FREM3: variants seen among roughly 807,000 people sequenced by gnomAD.
The protein encoded by FREM3 is FRAS1-related extracellular matrix protein 3.
Under a neutral mutation model 129.1 loss-of-function variants are expected in FREM3, and 105 were observed. The ratio of observed to expected loss-of-function variants is 0.81; its 90% CI spans 0.69 to 0.96. The LOEUF is 0.96. Among genes scored for constraint, FREM3 ranks in the 40% least tolerant of loss-of-function variants. The pLI, the probability that FREM3 is intolerant of heterozygous loss-of-function variation, is 0.00. For synonymous variants in FREM3, 1,014 were observed against 1,044.9 expected (o/e 0.97, Z 0.57); for missense variants, 2,593 against 2,666.3 (o/e 0.97, Z 0.61).
intron 6 of FREM3, among the ~76,000 whole-genome samples, chr4:143,593,963 A>C (rs1738416687): frequency 6.6e-6 from 1 of 152,006 alleles, no homozygotes. Flanking sequence ...GCCACCTTGC[A>C]GTTTGATGTC....
At position 143,656,017 on chromosome 4, in the gene FREM3, G is replaced by C. The variant is rs149348031; in HGVS notation, c.5276-28257C>G. Among the ~76,000 whole-genome samples the C allele has an allele frequency of 2.6e-3, 396 of 152,264 alleles. 3 individuals carry two copies. Among genetic ancestry groups the C allele is most frequent in the African/African-American group, 9.1e-3 (376 of 41,538 alleles). On this transcript the variant is annotated intron_variant, in intron 2 of 7. Transcript: ENST00000329798. ...ACCTACAATAAGTGTTATTGAAGTT[G>C]TGAAGTCTCTTAAGAAAACAGATCT...
intron 2 of FREM3, among the ~76,000 whole-genome samples, chr4:143,680,768 G>A (rs996926979): frequency 6.6e-6 from 1 of 152,064 alleles, no homozygotes; most frequent in Non-Finnish European, 1.5e-5. Flanking sequence ...ATTATCATAT[G>A]TATTCTAAAG....
At chr4:143,625,380 C>T (rs34164313) in intron 3 of FREM3, among the ~76,000 whole-genome samples, 52,456 of 152,052 alleles carry the variant, frequency 0.34, 10,546 homozygotes, top group Middle Eastern at 0.47. Flanking sequence ...TTAATAGCCC[C>T]CCCATGCAAT....
intron 2 of FREM3, among the ~76,000 whole-genome samples, chr4:143,652,773 T>C (rs1344376911): frequency 1.3e-5 from 2 of 152,150 alleles, no homozygotes; most frequent in Non-Finnish European, 2.9e-5. Flanking sequence ...GGATTACAGT[T>C]GCATGCCTCC....
At chr4:143,633,530 C>A (rs1292557424) in intron 2 of FREM3, among the ~76,000 whole-genome samples, 2 of 152,094 alleles carry the variant, frequency 1.3e-5, no homozygotes, top group Non-Finnish European at 2.9e-5. Flanking sequence ...CAGCAATGAA[C>A]TTGTTTTTGT....
chr4:143,611,404 AT>A lies in FREM3; in HGVS notation c.5902del (p.Ile1968SerfsTer34), dbSNP rs1560844016. 2.0e-6 allele frequency: 3 copies of A among 1,537,084 alleles called. No individual in the cohort carries two copies. Among genetic ancestry groups the A allele is most frequent in the Admixed American group, 3.9e-5 (2 of 50,974 alleles). ...NETQKTCQVL[I>X]IDDSLYEEEE... ...CTCTTCATAAAGGGAGTCATCAATGATCAGGACCTGGCAGGTCTTCTGTGTC... is the reference window on the plus strand; with the variant it reads ...CTCTTCATAAAGGGAGTCATCAATGACAGGACCTGGCAGGTCTTCTGTGTC... On this transcript the variant is annotated frameshift_variant, in exon 6 of 8. Coordinates refer to ENST00000329798, the MANE Select transcript of FREM3 (RefSeq NM_001168235.2). LOFTEE classifies it high-confidence loss of function.
chr4:143,624,029 C>A lies in FREM3; in HGVS notation c.5653+79G>T. 26 of 782,960 alleles carry A rather than the reference C, an allele frequency of 3.3e-5. No individual in the cohort carries two copies. The South Asian group carries it at 3.8e-4, about 11-fold the overall frequency. 48.5% of individuals were successfully genotyped at this position (782,960 alleles called of 1,614,324 possible). ...TGAACGCATTTAGTGGCTTACAGAG[C>A]CTGAGGGAAGTATGAATGCTGGAAA... On this transcript the variant is annotated intron_variant, in intron 4 of 7. Transcript: ENST00000329798.
intron 6 of FREM3, among the ~76,000 whole-genome samples, chr4:143,596,629 A>G (rs1400646630): frequency 1.3e-5 from 2 of 152,150 alleles, no homozygotes; most frequent in Non-Finnish European, 2.9e-5. Flanking sequence ...AAACCCTTTC[A>G]TGCATGAATC....
At chr4:143,645,106 G>A (rs1389374948) in intron 2 of FREM3, 2 of 152,166 alleles carry the variant, frequency 1.3e-5, no homozygotes, top group Non-Finnish European at 2.9e-5. Flanking sequence ...GAGTCCAGCA[G>A]GACTGTGGCC....
intron 2 of FREM3, among the ~76,000 whole-genome samples, chr4:143,659,713 T>A (rs1281284491): frequency 2.0e-5 from 3 of 150,564 alleles, no homozygotes; most frequent in African/African-American, 7.4e-5. Context: ...GTAAAAGTGT[T>A]CCTATTTCTC....
chr4:143,666,010 C>G (rs1290620630), intron 2 of FREM3, among the ~76,000 whole-genome samples: 2 of 152,120 alleles, frequency 1.3e-5, no homozygotes, highest in African/African-American at 4.8e-5. Context: ...TCTGTACTAA[C>G]CTTCTAAGAT....
In FREM3 at chr4:143,700,652, C is replaced by A. The variant is rs1740684598; in HGVS notation, c.24G>T (p.Pro8=). The part of the protein sequence containing the change: MAGASRH[P]TGTPRQLLVA... ...CAAGGAGCTGCCGGGGCGTCCCAGT[C>A]GGGTGCCGAGAAGCCCCCGCCATGG... is the stretch of plus-strand genomic sequence containing the variant. Residue 8 remains proline (P), a synonymous_variant, in exon 1 of 8, where the codon CCG becomes CCT. Transcript: ENST00000329798. The A allele has an allele frequency of 2.1e-6, 3 of 1,430,898 alleles. No homozygotes were observed. Among genetic ancestry groups the A allele is most frequent in the Non-Finnish European group, 2.7e-6 (3 of 1,097,498 alleles). 88.6% of individuals were successfully genotyped at this position (1,430,898 alleles called of 1,614,324 possible). A position where few individuals can be genotyped will look rare whatever the true frequency, so the allele number is the denominator to read the frequency against.
Position 143,610,132 on chromosome 4 carries a change from C to T in FREM3, c.6028+1147G>A, listed in dbSNP as rs78341722. 5.2e-3 allele frequency among the ~76,000 whole-genome samples: 787 copies of T among 152,184 alleles called. 9 individuals are homozygous for T. Among genetic ancestry groups the T allele is most frequent in the African/African-American group, 0.018 (748 of 41,542 alleles). On this transcript the variant is annotated intron_variant, in intron 6 of 7. Coordinates refer to ENST00000329798, the MANE Select transcript of FREM3 (RefSeq NM_001168235.2). ...CTGTCCTTATTCTTAGCTCTTGATA[C>T]TTGTAAAGATGTGTTTTGGAATTAG...
At chr4:143,658,765 G>A (rs1037657550) in intron 2 of FREM3, among the ~76,000 whole-genome samples, 2 of 152,194 alleles carry the variant, frequency 1.3e-5, no homozygotes, top group Non-Finnish European at 2.9e-5. Context: ...TGTGGCCCAA[G>A]ACAATTCTTC....
intron 2 of FREM3, among the ~76,000 whole-genome samples, chr4:143,648,327 TA>T (rs1271383047): frequency 6.6e-6 from 1 of 152,234 alleles, no homozygotes; most frequent in African/African-American, 2.4e-5. Context: ...ACTTTTGGGT[TA>T]ATTCTGGAAT....
chr4:143,651,691 C>T (rs1012572572), intron 2 of FREM3, among the ~76,000 whole-genome samples: 8 of 152,168 alleles, frequency 5.3e-5, no homozygotes, highest in African/African-American at 1.9e-4. Flanking sequence ...TCGGCCAACA[C>T]ACTCCCATAT....
Position 143,624,318 on chromosome 4 carries a change from T to A in FREM3, c.5443A>T (p.Thr1815Ser). The change falls in exon 4 of 8, where the codon ACT (threonine) becomes TCT (serine). Residue 1815 changes from threonine to serine, a missense_variant. Thr to Ser is a moderately conservative substitution (Grantham distance 58). Around this residue, in one of 2 missense-constraint regions of FREM3, gnomAD observed 2,276 missense variants for 2,267.2 expected, o/e 1.00. Transcript: ENST00000329798. ...TTGAAATCTTTGTCTTTTTTTGCAG[T>A]TTCATCTTTGGTACCAATGCCTGAA... Reference protein sequence around the residue: ...SFISIGTKDETAKKDKDFKWK... With the variant: ...SFISIGTKDESAKKDKDFKWK... 1 of 1,536,420 alleles carries A rather than the reference T, an allele frequency of 6.5e-7. No homozygotes were observed. Among genetic ancestry groups the A allele is most frequent in the South Asian group, 1.2e-5 (1 of 84,002 alleles).
chr4:143,654,974 C>T (rs1454254414), intron 2 of FREM3, among the ~76,000 whole-genome samples: 4 of 152,158 alleles, frequency 2.6e-5, no homozygotes, highest in Admixed American at 6.5e-5. Flanking sequence ...TGGAGGAGCA[C>T]ACGGCTGGCA....
intron 2 of FREM3, among the ~76,000 whole-genome samples, chr4:143,678,355 C>T (rs575594806): frequency 6.6e-6 from 1 of 151,656 alleles, no homozygotes; most frequent in Non-Finnish European, 1.5e-5. Context: ...AACACTTGGA[C>T]ACAGGAAGGG....
Sources: allele counts gnomAD v4.1 joint callset (sites outside exome capture counted in the v4.1 genomes callset), GRCh38; gene constraint gnomAD v4.1.1; regional missense constraint gnomAD v4.1.1; transcripts MANE v1.5; gene names NCBI Gene and HGNC (gene_info 2026-07-23, HGNC 2026-07-21).